Variants in RAPGEF6 observed in about 807,000 individuals in gnomAD.
The protein encoded by RAPGEF6 is PDZ domain containing guanine nucleotide exchange factor (GEF) 2.
RAPGEF6 carries 56 observed loss-of-function variants against 171.4 expected under a neutral mutation model. The observed-to-expected ratio is 0.33, with a 90% CI of 0.26 to 0.41. The LOEUF (loss-of-function observed/expected upper bound fraction) is 0.41, where lower values mean the gene tolerates loss of function less well. Among genes scored for constraint, RAPGEF6 ranks in the 10% least tolerant of loss-of-function variants. The pLI, the probability that RAPGEF6 is intolerant of heterozygous loss-of-function variation, is 1.00. For missense variants in RAPGEF6, 1,674 were observed against 1,921.4 expected (o/e 0.87, Z 2.41); for synonymous variants, 692 against 650.1 (o/e 1.06, Z -0.98).
At chr5:131,490,297 G>A (rs758393222) in intron 14 of RAPGEF6, among the ~76,000 whole-genome samples, 3 of 151,920 alleles carry the variant, frequency 2.0e-5, no homozygotes, top group Non-Finnish European at 2.9e-5. Flanking sequence ...TCAGAACAGA[G>A]AGCAGATCTA....
intron 1 of RAPGEF6, among the ~76,000 whole-genome samples, chr5:131,626,111 AG>A (rs1236611550): frequency 6.6e-6 from 1 of 152,184 alleles, no homozygotes; most frequent in African/African-American, 2.4e-5. Flanking sequence ...AAACCCTGCT[AG>A]TACGTCCAGC....
rs149709771 is a variant in RAPGEF6 at position 131,506,194 on chromosome 5, G to A, written c.943-672C>T. 3.2e-3 allele frequency among the ~76,000 whole-genome samples: 490 copies of A among 152,294 alleles called. 3 individuals carry two copies. The highest frequency in any genetic ancestry group is 0.011 in the African/African-American group (466 of 41,548). On this transcript the variant is annotated intron_variant, in intron 9 of 27. Coordinates refer to ENST00000509018, the MANE Select transcript of RAPGEF6 (RefSeq NM_016340.6). The stretch of plus-strand genomic sequence containing the variant: ...CTTGCTCTGTTGCCCAAGCTGGAGT[G>A]CAGTGGTATGATTATAGCTCACTGT...
intron 3 of RAPGEF6, among the ~76,000 whole-genome samples, chr5:131,593,975 C>T (rs577829976): frequency 6.6e-5 from 10 of 152,276 alleles, no homozygotes; most frequent in African/African-American, 2.4e-4. Context: ...AATTCAAGCC[C>T]GCTGCAGAAA....
At chr5:131,554,373 C>T (rs1761103112) in intron 5 of RAPGEF6, among the ~76,000 whole-genome samples, 1 of 151,868 alleles carries the variant, frequency 6.6e-6, no homozygotes, top group South Asian at 2.1e-4. Context: ...GAACTAAAAG[C>T]AAAAAATATT....
At chr5:131,606,607 G>T (rs949342595) in intron 1 of RAPGEF6, among the ~76,000 whole-genome samples, 4 of 152,156 alleles carry the variant, frequency 2.6e-5, no homozygotes, top group African/African-American at 7.2e-5. Context: ...GGCCACAGAG[G>T]TATTTCTTAT....
At chr5:131,469,753 T>A (rs1287784412) in intron 17 of RAPGEF6, 1 of 1,340,102 alleles carries the variant, frequency 7.5e-7, no homozygotes, top group African/African-American at 1.5e-5. Context: ...AACAAAATAA[T>A]ACATACAAAC....
intron 1 of RAPGEF6, among the ~76,000 whole-genome samples, chr5:131,624,300 A>G (rs1238977075): frequency 6.6e-6 from 1 of 152,202 alleles, no homozygotes; most frequent in Non-Finnish European, 1.5e-5. Context: ...GCAAAATTCA[A>G]AGGCCAGTGA....
intron 15 of RAPGEF6, among the ~76,000 whole-genome samples, chr5:131,484,328 G>C (rs563517559): frequency 7.2e-6 from 1 of 139,256 alleles, no homozygotes; most frequent in Non-Finnish European, 1.5e-5. Flanking sequence ...CAAGGTTCAA[G>C]TGATTCTCCT....
Position 131,505,497 on chromosome 5 carries a change from T to C in RAPGEF6, c.968A>G (p.Asn323Ser). ...TGGATGACTGATTTCCACAGTGCCG[T>C]TTAAAATAACATACCATGAGTCAAG... is the stretch of plus-strand genomic sequence containing the variant. The part of the protein sequence containing the change: ...QELDSWYVIL[N>S]GTVEISHPDG... The change falls in exon 10 of 28, where the codon AAC becomes AGC. Residue 323 changes from asparagine (N) to serine (S), a missense_variant. Asn to Ser is a conservative substitution (Grantham distance 46). This residue lies in a region of RAPGEF6 where 1,116 missense variants were observed against 1,321.5 expected (regional missense o/e 0.84). Transcript: ENST00000509018. 5.6e-6 allele frequency: 9 copies of C among 1,613,466 alleles called. No individual in the cohort carries two copies. The highest frequency in any genetic ancestry group is 5.9e-6 in the Non-Finnish European group (7 of 1,179,678).
At chr5:131,548,534 C>A (rs1431524360) in intron 5 of RAPGEF6, among the ~76,000 whole-genome samples, 1 of 152,198 alleles carries the variant, frequency 6.6e-6, no homozygotes, top group Non-Finnish European at 1.5e-5. Context: ...CCTGATTATA[C>A]ACATATTTTA....
intron 3 of RAPGEF6, among the ~76,000 whole-genome samples, chr5:131,595,989 C>T (rs1763875354): frequency 6.6e-6 from 1 of 151,892 alleles, no homozygotes; most frequent in Admixed American, 6.6e-5. Context: ...CCTGTCTCTA[C>T]TAAAAAATAC....
At chr5:131,550,391 T>A (rs147530444) in intron 5 of RAPGEF6, among the ~76,000 whole-genome samples, 38 of 152,346 alleles carry the variant, frequency 2.5e-4, no homozygotes, top group African/African-American at 8.9e-4. Flanking sequence ...TATCACCTTA[T>A]CTTACATGTA....
At chr5:131,585,782 C>T (rs745490196) in intron 4 of RAPGEF6, among the ~76,000 whole-genome samples, 8 of 152,078 alleles carry the variant, frequency 5.3e-5, no homozygotes, top group Non-Finnish European at 8.8e-5. Context: ...GCCAAGATCG[C>T]GCCATTGCAC....
intron 25 of RAPGEF6, among the ~76,000 whole-genome samples, chr5:131,432,072 G>C (rs1250967162): frequency 6.6e-6 from 1 of 152,044 alleles, no homozygotes; most frequent in Non-Finnish European, 1.5e-5. Context: ...TTAGCCAACA[G>C]CCTATTTTTG....
intron 1 of RAPGEF6, among the ~76,000 whole-genome samples, chr5:131,611,456 C>A (rs547780043): frequency 6.6e-6 from 1 of 152,130 alleles, no homozygotes; most frequent in African/African-American, 2.4e-5. Context: ...GAGATCAACT[C>A]AGGTCAGGAG....
chr5:131,440,106 T>A lies in RAPGEF6; in HGVS notation c.3611-391A>T, dbSNP rs544269961. ...GGCCTCTCCAAGTCGGGGCGACGCA[T>A]GTGGCAGGGGCAGTGTGGGGATGTT... On this transcript the variant is annotated intron_variant, in intron 23 of 27. Coordinates refer to ENST00000509018, the MANE Select transcript of RAPGEF6 (RefSeq NM_016340.6). 8.8e-4 allele frequency: 357 copies of A among 406,780 alleles called. 4 individuals carry two copies. The highest frequency in any genetic ancestry group is 6.2e-3 in the South Asian group (350 of 56,030). The allele number at this position is 406,780 out of a possible 1,614,324, so 25.2% of individuals were successfully genotyped here.
At chr5:131,445,333 T>C (rs1752613462) in intron 22 of RAPGEF6, among the ~76,000 whole-genome samples, 1 of 152,196 alleles carries the variant, frequency 6.6e-6, no homozygotes, top group African/African-American at 2.4e-5. Context: ...CACTTCCTGT[T>C]TTCTATTCTT....
In RAPGEF6 at chr5:131,580,109, G is replaced by A. The variant is rs114373365; in HGVS notation, c.281+12274C>T. ...GGGGTGGCACCCATTGGGGAGGCTC[G>A]GGCCGCGTGGGAGCCCACTGTGGGG... On this transcript the variant is annotated intron_variant, in intron 4 of 27. Coordinates refer to ENST00000509018, the MANE Select transcript of RAPGEF6 (RefSeq NM_016340.6). Among the ~76,000 whole-genome samples, 789 of 111,386 alleles carry A rather than the reference G, an allele frequency of 7.1e-3. 6 individuals carry two copies. The highest frequency in any genetic ancestry group is 0.026 in the African/African-American group (719 of 27,770). The allele number at this position is 111,386 out of a possible 152,430, so 73.1% of individuals were successfully genotyped here. A position where few individuals can be genotyped will look rare whatever the true frequency, so the allele number is the denominator to read the frequency against.
At chr5:131,473,409 GC>G (rs1754887422) in intron 16 of RAPGEF6, among the ~76,000 whole-genome samples, 1 of 151,824 alleles carries the variant, frequency 6.6e-6, no homozygotes, top group Admixed American at 6.6e-5. Flanking sequence ...TGTGACATAG[GC>G]AACTTCTAAA....
Sources: allele counts gnomAD v4.1 joint callset (sites outside exome capture counted in the v4.1 genomes callset), GRCh38; gene constraint gnomAD v4.1.1; regional missense constraint gnomAD v4.1.1; transcripts MANE v1.5; gene names NCBI Gene and HGNC (gene_info 2026-07-23, HGNC 2026-07-21).